B4GALT7: variants seen among roughly 807,000 people sequenced by gnomAD.
The protein encoded by B4GALT7 is UDP-Gal:beta-GlcNAc beta-1,4-galactosyltransferase 7.
A neutral mutation model predicts 33.0 loss-of-function variants in B4GALT7; 30 were observed. The observed-to-expected ratio is 0.91, with a 90% CI of 0.68 to 1.23. The LOEUF (loss-of-function observed/expected upper bound fraction) is 1.23, where lower values mean the gene tolerates loss of function less well. B4GALT7 is among the 50% of genes most tolerant of loss of function. The pLI, the probability that B4GALT7 is intolerant of heterozygous loss-of-function variation, is 0.00. For missense variants in B4GALT7, 507 were observed against 450.8 expected, an observed-to-expected ratio of 1.12 and a Z score of -1.13; for synonymous variants, 213 against 187.2, an observed-to-expected ratio of 1.14 and a Z score of -1.13.
chr5:177,605,168 C>T, intron 2 of B4GALT7: 1 of 391,822 alleles, frequency 2.6e-6, no homozygotes, highest in South Asian at 1.9e-5. Context: ...TCTTTACTTC[C>T]TCCTTACCCA....
intron 1 of B4GALT7, 149 bp from the exon 2 acceptor site, chr5:177,604,030 C>A: frequency 3.4e-6 from 4 of 1,163,264 alleles, no homozygotes; most frequent in Non-Finnish European, 3.7e-6. Flanking sequence ...GTGGCATGAG[C>A]AGAAACATTA....
rs1477643866 is a variant in B4GALT7, at chr5:177,609,819, C to T, written c.*124C>T. The T allele has an allele frequency of 8.1e-6, 11 of 1,356,006 alleles. No individual in the cohort carries two copies. Among genetic ancestry groups the T allele is most frequent in the African/African-American group, 2.9e-5 (2 of 69,246 alleles). The allele number at this position is 1,356,006 out of a possible 1,614,324, so 84.0% of individuals were successfully genotyped here. A position where few individuals can be genotyped will look rare whatever the true frequency, so the allele number is the denominator to read the frequency against. On this transcript the variant is annotated 3_prime_UTR_variant, in exon 6 of 6. Coordinates refer to ENST00000029410, the MANE Select transcript of B4GALT7 (RefSeq NM_007255.3). ...TGGCCAGGACCAAGACAGCAAGCTA[C>T]GCAATTGCAGCCACCCGGCCGCCAA...
rs1206794080 is a variant in B4GALT7 at position 177,608,281 on chromosome 5, C to A, written c.640-258C>A. On this transcript the variant is annotated intron_variant, in intron 3 of 5. Coordinates refer to ENST00000029410, the MANE Select transcript of B4GALT7 (RefSeq NM_007255.3). This position sits in a 1 kb window ranked among gnomAD's most constrained non-coding sequence, Gnocchi z 4.1. ...TGGCGCTTCTGCCCATCGACAGTTC[C>A]CCACAGAGATCCCCTCTGGGCAGCC... 1 of 535,782 alleles carries A rather than the reference C, an allele frequency of 1.9e-6. No individual in the cohort carries two copies. The highest frequency in any genetic ancestry group is 1.9e-5 in the African/African-American group (1 of 52,506). 33.2% of individuals were successfully genotyped at this position (535,782 alleles called of 1,614,324 possible). A position where few individuals can be genotyped will look rare whatever the true frequency, so the allele number is the denominator to read the frequency against.
chr5:177,602,655 G>A, intron 1 of B4GALT7: 1 of 158,242 alleles, frequency 6.3e-6, no homozygotes, highest in Non-Finnish European at 1.4e-5. Flanking sequence ...AAGGAATATA[G>A]CAAGTGGAGA....
In B4GALT7 at chr5:177,604,209, G is replaced by T; in HGVS notation, c.81G>T (p.Arg27=). 6.2e-7 allele frequency: 1 copy of T among 1,613,670 alleles called. No individual in the cohort carries two copies. The highest frequency in any genetic ancestry group is 8.5e-7 in the Non-Finnish European group (1 of 1,179,944). The change falls in exon 2 of 6, where the codon CGG becomes CGT. Residue 27 remains arginine, a synonymous_variant. Coordinates refer to ENST00000029410, the MANE Select transcript of B4GALT7 (RefSeq NM_007255.3). ...GGTTGCTCTCCGGCGGCCTCCCTCG[G>T]AAGTGTTCCGTCTTCCACCTGTTCG... ...RSGLLSGGLP[R]KCSVFHLFVA...
At position 177,600,365 on chromosome 5, in the gene B4GALT7, G is replaced by A. The variant is rs1169774472; in HGVS notation, c.50+105G>A. ...GAGGCCATCACGTCTCCATGTCTGCGGGTTTCTGTGAGGGCGTGTGGTTCT... is the reference window on the plus strand; with the variant it reads ...GAGGCCATCACGTCTCCATGTCTGCAGGTTTCTGTGAGGGCGTGTGGTTCT... On this transcript the variant is annotated intron_variant, in intron 1 of 5. Transcript: ENST00000029410. This position sits in a 1 kb window ranked among gnomAD's most constrained non-coding sequence, Gnocchi z 4.4. 4 of 986,918 alleles carry A rather than the reference G, an allele frequency of 4.1e-6. No individual in the cohort carries two copies. Among genetic ancestry groups the A allele is most frequent in the Non-Finnish European group, 3.9e-6 (3 of 762,018 alleles). The allele number at this position is 986,918 out of a possible 1,614,324, so 61.1% of individuals were successfully genotyped here.
chr5:177,604,342 C>A lies in B4GALT7; in HGVS notation c.214C>A (p.Pro72Thr). The change falls in exon 2 of 6, where the codon CCC (proline) becomes ACC (threonine). Residue 72 changes from proline (P) to threonine (T), a missense_variant. Transcript: ENST00000029410. ...RGQGQETSGP[P>T]RACPPEPPPE... The stretch of plus-strand genomic sequence containing the variant: ...ACAAGGGCAGGAGACCTCGGGCCCT[C>A]CCCGTGCCTGCCCCCCAGAGCCGCC... 1 of 1,611,076 alleles carries A rather than the reference C, an allele frequency of 6.2e-7. No homozygotes were observed. The highest frequency in any genetic ancestry group is 8.5e-7 in the Non-Finnish European group (1 of 1,178,762).
In B4GALT7 at chr5:177,608,694, A is replaced by G. The variant is rs1768089482; in HGVS notation, c.723+72A>G. The stretch of plus-strand genomic sequence containing the variant: ...CTGAGATTTTCTTCTGTTTCCTCAG[A>G]TGAAGCTCCTGGGGTCTGGAGATGG... On this transcript the variant is annotated intron_variant, in intron 4 of 5. Transcript: ENST00000029410. The surrounding 1 kb of genome is among the most constrained non-coding windows in gnomAD (Gnocchi z 4.1). 1 of 1,444,034 alleles carries G rather than the reference A, an allele frequency of 6.9e-7. No homozygotes were observed. Among genetic ancestry groups the G allele is most frequent in the East Asian group, 2.3e-5 (1 of 43,684 alleles). The allele number at this position is 1,444,034 out of a possible 1,614,324, so 89.5% of individuals were successfully genotyped here.
In B4GALT7 at chr5:177,608,862, G is replaced by C; in HGVS notation, c.724-48G>C. ...CCTCGGGAGCTGGTGGTGAGGGCTG[G>C]GGCTCCAGGAAGGGCAGCCTGACCC... On this transcript the variant is annotated intron_variant, in intron 4 of 5. Coordinates refer to ENST00000029410, the MANE Select transcript of B4GALT7 (RefSeq NM_007255.3). This position sits in a 1 kb window ranked among gnomAD's most constrained non-coding sequence, Gnocchi z 4.1. The C allele has an allele frequency of 6.6e-7, 1 of 1,519,354 alleles. No homozygotes were observed. Among genetic ancestry groups the C allele is most frequent in the Non-Finnish European group, 9.1e-7 (1 of 1,096,342 alleles). The allele number at this position is 1,519,354 out of a possible 1,614,324, so 94.1% of individuals were successfully genotyped here.
At chr5:177,602,513 G>C (rs77683299) in intron 1 of B4GALT7, among the ~76,000 whole-genome samples, 1,781 of 152,248 alleles carry the variant, frequency 0.012, 39 homozygotes, top group African/African-American at 0.04. Context: ...AAAAGTGGGA[G>C]CATTATGGGG....
At position 177,608,496 on chromosome 5, in the gene B4GALT7, C is replaced by G. The variant is rs201915523; in HGVS notation, c.640-43C>G. 1.0e-4 allele frequency: 161 copies of G among 1,562,686 alleles called. No homozygotes were observed. The highest frequency in any genetic ancestry group is 8.6e-4 in the East Asian group (38 of 44,024). ...CGGTAGGAGACCAAAGGCCCCCCCC[C>G]CCGGGAAGATGGGCCGAGTGACGCT... On this transcript the variant is annotated intron_variant, in intron 3 of 5. Transcript: ENST00000029410. This position sits in a 1 kb window ranked among gnomAD's most constrained non-coding sequence, Gnocchi z 4.1.
intron 3 of B4GALT7, chr5:177,607,874 AGGT>A (rs906108377): frequency 1.3e-5 from 5 of 386,402 alleles, no homozygotes; most frequent in Admixed American, 7.6e-5. Flanking sequence ...TTTATTGGCA[AGGT>A]GGTGGTTGTT....
chr5:177,607,566 C>T, intron 3 of B4GALT7, 39 bp downstream of exon 3: 1 of 1,575,782 alleles, frequency 6.3e-7, no homozygotes, highest in Non-Finnish European at 8.7e-7. Context: ...GAGCCGGGAG[C>T]TCCCTCCAGG....
Position 177,607,264 on chromosome 5 carries a change from G to T in B4GALT7, c.414-38G>T, listed in dbSNP as rs199773394. The T allele has an allele frequency of 4.5e-6, 7 of 1,545,740 alleles. No individual in the cohort carries two copies. The South Asian group carries it at 5.8e-5, about 13-fold the overall frequency. ...GTGCTGAGCCCCAGGCAGTGAGCCC[G>T]TGTGCTGCCCCTGCCCAGCCTTGCC... On this transcript the variant is annotated intron_variant, in intron 2 of 5. Transcript: ENST00000029410.
intron 1 of B4GALT7, among the ~76,000 whole-genome samples, chr5:177,601,960 C>T (rs1050355710): frequency 5.3e-5 from 8 of 152,162 alleles, no homozygotes; most frequent in Non-Finnish European, 1.0e-4. Flanking sequence ...AGGGAATTAG[C>T]GTGTGGACGT....
intron 2 of B4GALT7, among the ~76,000 whole-genome samples, chr5:177,604,778 A>C (rs1232424157): frequency 6.6e-6 from 1 of 152,120 alleles, no homozygotes; most frequent in East Asian, 1.9e-4. Flanking sequence ...CAGGGAGAGC[A>C]GTTAGGTGGT....
intron 3 of B4GALT7, 91 bp downstream of exon 3, chr5:177,607,618 A>G: frequency 3.2e-6 from 4 of 1,261,718 alleles, no homozygotes; most frequent in Non-Finnish European, 4.5e-6. Context: ...TCTGGGGCCC[A>G]GCAGATGGAG....
Position 177,607,386 on chromosome 5 carries a change from G to C in B4GALT7, c.498G>C (p.Leu166=), listed in dbSNP as rs140848441. The change falls in exon 3 of 6, where the codon CTG becomes CTC. Residue 166 remains leucine, a synonymous_variant. Coordinates refer to ENST00000029410, the MANE Select transcript of B4GALT7 (RefSeq NM_007255.3). The part of the protein sequence containing the change: ...TDYIAMHDVD[L]LPLNEELDYG... ...ACATTGCCATGCACGACGTTGACCTGCTCCCTCTCAACGAGGAGCTGGACT... is the reference window on the plus strand; with the variant it reads ...ACATTGCCATGCACGACGTTGACCTCCTCCCTCTCAACGAGGAGCTGGACT... 1 of 1,614,056 alleles carries C rather than the reference G, an allele frequency of 6.2e-7. No homozygotes were observed. Among genetic ancestry groups the C allele is most frequent in the East Asian group, 2.2e-5 (1 of 44,876 alleles).
At chr5:177,604,704 C>T (rs141436214) in intron 2 of B4GALT7, among the ~76,000 whole-genome samples, 163 bp downstream of exon 2, 202 of 152,268 alleles carry the variant, frequency 1.3e-3, no homozygotes, top group African/African-American at 4.6e-3. Flanking sequence ...ATCTAATTTC[C>T]ATTTTGAAAA....
Sources: gnomAD v4.1 joint callset for allele counts (sites outside exome capture counted in the v4.1 genomes callset) on GRCh38, gnomAD v4.1.1 for gene constraint, Gnocchi (gnomAD v3.1) non-coding constraint, MANE v1.5 for transcripts, NCBI Gene and HGNC (gene_info 2026-07-23, HGNC 2026-07-21) for gene names.